RFX7: variants seen among roughly 807,000 people sequenced by gnomAD.
RFX7 encodes regulatory factor X7.
Under a neutral mutation model 111.8 loss-of-function variants are expected in RFX7, and 26 were observed. The ratio of observed to expected loss-of-function variants is 0.23; its 90% CI spans 0.17 to 0.32. The LOEUF is 0.32. RFX7 is among the 10% of genes least tolerant of loss of function. The pLI is 1.00. For missense variants in RFX7, 1,573 were observed against 1,772.9 expected, an observed-to-expected ratio of 0.89 and a Z score of 2.02; for synonymous variants, 624 against 624.4, an observed-to-expected ratio of 1.00 and a Z score of 0.01.
chr15:56,096,368 T>C lies in RFX7; in HGVS notation c.1360A>G (p.Ser454Gly), dbSNP rs2041677826. The stretch of plus-strand genomic sequence containing the variant: ...ACAACAGCAGTTTTGATGGGACTAC[T>C]AGTAAAGAGGACAGTAGTTGGAGAG... ...IRSPTTVLFT[S>G]SPIKTAVVPA... is the part of the protein sequence containing the mutation. Residue 454 changes from serine to glycine, a missense_variant, in exon 10 of 10, where the codon AGT (serine) becomes GGT (glycine). Transcript: ENST00000559447. 1.9e-6 allele frequency: 3 copies of C among 1,613,970 alleles called. No individual in the cohort carries two copies. Among genetic ancestry groups the C allele is most frequent in the African/African-American group, 1.3e-5 (1 of 75,020 alleles).
intron 5 of RFX7, among the ~76,000 whole-genome samples, chr15:56,110,096 G>C (rs1358136330): frequency 7.5e-6 from 1 of 133,472 alleles, no homozygotes; most frequent in Non-Finnish European, 1.6e-5. Context: ...GAGGTGGGGG[G>C]GTCAGCCCCC....
chr15:56,222,882 T>TA (rs1216210309), intron 2 of RFX7, among the ~76,000 whole-genome samples: 2 of 152,190 alleles, frequency 1.3e-5, no homozygotes, highest in Non-Finnish European at 2.9e-5. Context: ...TCATTGTGGG[T>TA]ACTATGTTGT....
At chr15:56,106,073 G>T (rs1379492692) in intron 5 of RFX7, among the ~76,000 whole-genome samples, 1 of 152,172 alleles carries the variant, frequency 6.6e-6, no homozygotes, top group Non-Finnish European at 1.5e-5. Flanking sequence ...TCAAAGAGGG[G>T]AGTGAGAGAT....
intron 3 of RFX7, among the ~76,000 whole-genome samples, chr15:56,163,862 C>A (rs2042752944): frequency 6.6e-6 from 1 of 152,158 alleles, no homozygotes; most frequent in Non-Finnish European, 1.5e-5. Flanking sequence ...CATTATCTAT[C>A]CTCATATGTA....
chr15:56,155,081 A>T (rs972418736), intron 3 of RFX7, among the ~76,000 whole-genome samples: 1 of 152,212 alleles, frequency 6.6e-6, no homozygotes, highest in Non-Finnish European at 1.5e-5. Flanking sequence ...ATAAGATACC[A>T]TCTCACGGCA....
Position 56,093,529 on chromosome 15 carries a change from A to C in RFX7, c.4199T>G (p.Leu1400Ter). 1 of 1,613,876 alleles carries C rather than the reference A, an allele frequency of 6.2e-7. No homozygotes were observed. Among genetic ancestry groups the C allele is most frequent in the Non-Finnish European group, 8.5e-7 (1 of 1,179,818 alleles). The stretch of plus-strand genomic sequence containing the variant: ...TGGATCAAACAGTAGATTTGGGTCT[A>C]AAGTGTTCAAATCATTGATGCTGCC... ...LSGSINDLNT[L>*]DPNLLFDPGR... The change falls in exon 10 of 10, where the codon TTA becomes TGA. Residue 1400 changes from leucine (L) to a stop codon, truncating the protein, a stop_gained. Transcript: ENST00000559447. LOFTEE classifies it high-confidence loss of function.
chr15:56,139,128 C>T (rs1298011893), intron 5 of RFX7, among the ~76,000 whole-genome samples: 4 of 151,862 alleles, frequency 2.6e-5, no homozygotes, highest in Non-Finnish European at 5.9e-5. Flanking sequence ...ATCTTTATGG[C>T]GTTCTCTGTA....
intron 5 of RFX7, among the ~76,000 whole-genome samples, chr15:56,105,208 G>A (rs1173983560): frequency 6.6e-6 from 1 of 152,122 alleles, no homozygotes; most frequent in Non-Finnish European, 1.5e-5. Flanking sequence ...ATTTTTGAAA[G>A]GATCTCTTCC....
At chr15:56,133,530 G>T (rs1289955705) in intron 5 of RFX7, among the ~76,000 whole-genome samples, 1 of 152,020 alleles carries the variant, frequency 6.6e-6, no homozygotes, top group African/African-American at 2.4e-5. Context: ...AGAATGATCA[G>T]TCTTAAACTG....
chr15:56,087,342 C>A lies in RFX7; in HGVS notation c.*6003G>T. ...TAAAACACATCCAGAGGTAAGCAGT[C>A]AGGACTAGTTGGGCATCTTCCCTTC... On this transcript the variant is annotated 3_prime_UTR_variant, in exon 10 of 10. Transcript: ENST00000559447. 2.2e-6 allele frequency: 1 copy of A among 444,856 alleles called. No homozygotes were observed. Among genetic ancestry groups the A allele is most frequent in the Admixed American group, 2.4e-5 (1 of 41,652 alleles). 27.6% of individuals were successfully genotyped at this position (444,856 alleles called of 1,614,324 possible). A position where few individuals can be genotyped will look rare whatever the true frequency, so the allele number is the denominator to read the frequency against.
intron 3 of RFX7, among the ~76,000 whole-genome samples, chr15:56,169,659 A>G (rs1344190210): frequency 2.0e-5 from 3 of 149,272 alleles, no homozygotes; most frequent in East Asian, 2.0e-4. Context: ...TTCATTCTAT[A>G]GCCTCTGCTC....
chr15:56,158,090 A>T (rs2042675803), intron 3 of RFX7, among the ~76,000 whole-genome samples: 1 of 152,228 alleles, frequency 6.6e-6, no homozygotes, highest in Non-Finnish European at 1.5e-5. Context: ...CCCATATTAC[A>T]TAAGACCTAT....
At chr15:56,111,644 T>TA (rs1461446381) in intron 5 of RFX7, among the ~76,000 whole-genome samples, 33 of 16,740 alleles carry the variant, frequency 2.0e-3, no homozygotes, top group Middle Eastern at 0.033. Context: ...GAATGATCAA[T>TA]AAAAAAATAA....
chr15:56,148,589 A>T (rs1028861881), intron 3 of RFX7, among the ~76,000 whole-genome samples: 2 of 152,206 alleles, frequency 1.3e-5, no homozygotes, highest in African/African-American at 4.8e-5. Flanking sequence ...TTGACAAAAA[A>T]TACTGACATA....
chr15:56,212,202 G>T (rs569642068), intron 2 of RFX7, among the ~76,000 whole-genome samples: 26 of 152,052 alleles, frequency 1.7e-4, no homozygotes, highest in Non-Finnish European at 3.4e-4. Flanking sequence ...GACATGAAAA[G>T]ACATCAAAGA....
At chr15:56,241,768 G>C (rs1385247683) in intron 2 of RFX7, among the ~76,000 whole-genome samples, 2 of 151,992 alleles carry the variant, frequency 1.3e-5, no homozygotes, top group Admixed American at 6.5e-5. Context: ...ACCTATTCAA[G>C]TTGCCACAAC....
At chr15:56,101,883 A>G (rs951672186) in intron 7 of RFX7, among the ~76,000 whole-genome samples, 3 of 152,220 alleles carry the variant, frequency 2.0e-5, no homozygotes, top group Admixed American at 6.5e-5. Context: ...CCTATAAAAC[A>G]TATTACATGA....
At chr15:56,138,627 T>C (rs2042342200) in intron 5 of RFX7, among the ~76,000 whole-genome samples, 1 of 152,142 alleles carries the variant, frequency 6.6e-6, no homozygotes, top group Non-Finnish European at 1.5e-5. Flanking sequence ...TTAAAGTTAA[T>C]ATTGTTATGT....
intron 3 of RFX7, among the ~76,000 whole-genome samples, chr15:56,157,993 G>T (rs1027422634): frequency 3.9e-5 from 6 of 152,166 alleles, no homozygotes; most frequent in African/African-American, 9.7e-5. Context: ...CTGATTAGCA[G>T]AGTAATAAAA....
Sources: allele counts gnomAD v4.1 joint callset (sites outside exome capture counted in the v4.1 genomes callset), GRCh38; gene constraint gnomAD v4.1.1; transcripts MANE v1.5; gene names NCBI Gene and HGNC (gene_info 2026-07-23, HGNC 2026-07-21).